TPST2: variants seen among roughly 807,000 people sequenced by gnomAD.
The protein encoded by TPST2 is tyrosylprotein sulfotransferase 2, also known as protein-tyrosine sulfotransferase 2.
Under a neutral mutation model 27.8 loss-of-function variants are expected in TPST2, and 16 were observed. The ratio of observed to expected loss-of-function variants is 0.58; its 90% CI spans 0.39 to 0.88. The LOEUF is 0.88. Ranked by LOEUF, TPST2 falls within the 40% of genes least tolerant of loss-of-function variation. TPST2 has a pLI of 0.00. For missense variants in TPST2, 464 were observed against 543.1 expected (o/e 0.85, Z 1.45); for synonymous variants, 229 against 231.7 (o/e 0.99, Z 0.10).
At position 26,541,539 on chromosome 22, in the gene TPST2, C is replaced by A; in HGVS notation, c.92G>T (p.Cys31Phe). Residue 31 changes from cysteine (C) to phenylalanine (F), a missense_variant, in exon 3 of 7, where the codon TGC becomes TTC. By Grantham distance (205) the Cys-to-Phe change is radical. Coordinates refer to ENST00000338754, the MANE Select transcript of TPST2 (RefSeq NM_003595.5). This position sits in a 1 kb window ranked among gnomAD's most constrained non-coding sequence, Gnocchi z 5.9. ...AVQLGQQVLE[C>F]RAVLAGLRSP... Reference sequence around the variant, plus strand: ...CCGCAGGCCCGCCAGCACCGCCCGGCACTCTAGCACCTGCTGTCCCAGCTG... The same window carrying A: ...CCGCAGGCCCGCCAGCACCGCCCGGAACTCTAGCACCTGCTGTCCCAGCTG... 6.2e-7 allele frequency: 1 copy of A among 1,611,460 alleles called. No individual in the cohort carries two copies. The highest frequency in any genetic ancestry group is 8.5e-7 in the Non-Finnish European group (1 of 1,179,178).
chr22:26,556,235 TA>T (rs1436283536), intron 1 of TPST2, among the ~76,000 whole-genome samples: 1 of 152,136 alleles, frequency 6.6e-6, no homozygotes, highest in Non-Finnish European at 1.5e-5. Flanking sequence ...CTGTGGCACC[TA>T]AAATGTGATA....
Position 26,588,231 on chromosome 22 carries a change from A to G in TPST2, c.-161+1822T>C, listed in dbSNP as rs1272766589. ...AAAAAAAGGAATGAAGTACTGATAC[A>G]GGCTGCAAGGGGCTGAACCTTAGAA... On this transcript the variant is annotated intron_variant, in intron 1 of 6. Coordinates refer to ENST00000338754, the MANE Select transcript of TPST2 (RefSeq NM_003595.5). Among the ~76,000 whole-genome samples the G allele has an allele frequency of 8.6e-5, 13 of 151,824 alleles. No individual in the cohort carries two copies. The East Asian group carries it at 2.5e-3, about 29-fold the overall frequency.
chr22:26,578,666 G>A (rs569802122), intron 1 of TPST2, among the ~76,000 whole-genome samples: 2 of 151,964 alleles, frequency 1.3e-5, no homozygotes, highest in South Asian at 2.1e-4. Context: ...CACAACAACC[G>A]CTGAGGGATG....
intron 1 of TPST2, among the ~76,000 whole-genome samples, chr22:26,586,203 C>T (rs1364211262): frequency 1.3e-5 from 2 of 152,024 alleles, no homozygotes; most frequent in Non-Finnish European, 2.9e-5. Flanking sequence ...CTTCCCACCC[C>T]GTCTCCATGT....
chr22:26,577,596 G>A (rs750601667), intron 1 of TPST2, among the ~76,000 whole-genome samples: 5 of 147,910 alleles, frequency 3.4e-5, no homozygotes, highest in African/African-American at 7.5e-5. Context: ...TAATCTGCCC[G>A]CCTTGGCCTC....
At chr22:26,564,166 T>C (rs1054498699) in intron 1 of TPST2, among the ~76,000 whole-genome samples, 3 of 152,218 alleles carry the variant, frequency 2.0e-5, no homozygotes, top group African/African-American at 7.2e-5. Context: ...CAGGGGCCAA[T>C]GACCTCTAAG....
intron 1 of TPST2, among the ~76,000 whole-genome samples, chr22:26,574,094 G>A (rs1221316990): frequency 2.0e-5 from 3 of 152,108 alleles, no homozygotes; most frequent in African/African-American, 4.8e-5. Flanking sequence ...AGGGCTTTGG[G>A]GGACCTGGGT....
chr22:26,572,244 A>C (rs1329232832), intron 1 of TPST2, among the ~76,000 whole-genome samples: 1 of 152,172 alleles, frequency 6.6e-6, no homozygotes, highest in Non-Finnish European at 1.5e-5. Flanking sequence ...AATCTAGGTC[A>C]ATGAAACTCA....
At chr22:26,577,589 T>TCTGCCCGC (rs1437717839) in intron 1 of TPST2, among the ~76,000 whole-genome samples, 5 of 151,056 alleles carry the variant, frequency 3.3e-5, no homozygotes, top group African/African-American at 1.2e-4. Flanking sequence ...GACCTTGTAA[T>TCTGCCCGC]CTGCCCGCCT....
At chr22:26,569,991 A>AAAAGAAAG (rs770577530) in intron 1 of TPST2, among the ~76,000 whole-genome samples, 528 of 19,820 alleles carry the variant, frequency 0.027, 18 homozygotes, top group Non-Finnish European at 0.035. Context: ...AAAAGAAAGA[A>AAAAGAAAG]AAAGAAAGAA....
In TPST2 at chr22:26,530,403, G is replaced by A. The variant is rs148685147; in HGVS notation, c.1093-2141C>T. On this transcript the variant is annotated intron_variant, in intron 5 of 6. Transcript: ENST00000338754. Reference sequence around the variant, plus strand: ...TATTCTGTGGAGTGCATGTACCACCGTTTACTGACTGCTTACCTAAGAATG... The same window carrying A: ...TATTCTGTGGAGTGCATGTACCACCATTTACTGACTGCTTACCTAAGAATG... Among the ~76,000 whole-genome samples the A allele has an allele frequency of 5.9e-5, 9 of 152,170 alleles. No homozygotes were observed. The East Asian group carries it at 1.2e-3, about 20-fold the overall frequency.
At position 26,582,623 on chromosome 22, in the gene TPST2, C is replaced by A. The variant is rs113549868; in HGVS notation, c.-161+7430G>T. On this transcript the variant is annotated intron_variant, in intron 1 of 6. Coordinates refer to ENST00000338754, the MANE Select transcript of TPST2 (RefSeq NM_003595.5). ...AACGTAAACTCCAGGACAACTAGGA[C>A]CTCGTTGCTTCTTAAATCTTGCACC... Among the ~76,000 whole-genome samples, 639 of 152,242 alleles carry A rather than the reference C, an allele frequency of 4.2e-3. 3 individuals are homozygous for A. Among genetic ancestry groups the A allele is most frequent in the Non-Finnish European group, 7.3e-3 (494 of 68,026 alleles).
intron 1 of TPST2, among the ~76,000 whole-genome samples, chr22:26,546,207 A>T (rs1926114890): frequency 6.6e-6 from 1 of 152,012 alleles, no homozygotes. Flanking sequence ...CCTTTTCTCC[A>T]TACCATTTTC....
chr22:26,560,889 A>G, intron 1 of TPST2: 3 of 1,600,064 alleles, frequency 1.9e-6, no homozygotes, highest in East Asian at 2.2e-5. Flanking sequence ...TGGCCTGTCC[A>G]TTGGTGATGT....
At chr22:26,560,066 G>A (rs138402020) in intron 1 of TPST2, among the ~76,000 whole-genome samples, 13 of 152,324 alleles carry the variant, frequency 8.5e-5, no homozygotes, top group Non-Finnish European at 1.8e-4. Flanking sequence ...TTGAGCTCGG[G>A]AATGCAGAGC....
intron 1 of TPST2, among the ~76,000 whole-genome samples, chr22:26,553,980 C>G (rs1197910784): frequency 6.6e-6 from 1 of 152,152 alleles, no homozygotes; most frequent in Non-Finnish European, 1.5e-5. Context: ...TCCCCGCATG[C>G]AGAACCCAAG....
At chr22:26,540,704 CAAGAAAGGCAGTGCTG>C in intron 3 of TPST2, 69 bp downstream of exon 3, 3 of 1,342,218 alleles carry the variant, frequency 2.2e-6, no homozygotes, top group Non-Finnish European at 3.0e-6. Context: ...CCACACAGCT[CAAGAAAGGCAGTGCTG>C]ATTTTCTTGC....
In TPST2 at chr22:26,571,720, C is replaced by T. The variant is rs990467351; in HGVS notation, c.-161+18333G>A. ...AAACTCAACACAATCAACCTAAACTCCTAATAGGATCTCCTGAGCTTGGTT... is the reference window on the plus strand; with the variant it reads ...AAACTCAACACAATCAACCTAAACTTCTAATAGGATCTCCTGAGCTTGGTT... On this transcript the variant is annotated intron_variant, in intron 1 of 6. Transcript: ENST00000338754. Among the ~76,000 whole-genome samples the T allele has an allele frequency of 6.6e-5, 10 of 152,314 alleles. No homozygotes were observed. The South Asian group carries it at 1.2e-3, about 19-fold the overall frequency.
At position 26,548,798 on chromosome 22, in the gene TPST2, C is replaced by CA. The variant is rs199692504; in HGVS notation, c.-160-4124dup. On this transcript the variant is annotated intron_variant, in intron 1 of 6. Coordinates refer to ENST00000338754, the MANE Select transcript of TPST2 (RefSeq NM_003595.5). ...GCAACAAAGTGAGACCCCATCACTA[C>CA]AAAAAAAAATTTTTTTTTAATTAGC... Among the ~76,000 whole-genome samples, 28 of 98,774 alleles carry CA rather than the reference C, an allele frequency of 2.8e-4. No individual in the cohort carries two copies. In the South Asian group the frequency reaches 7.7e-3, roughly 27 times the overall value. 64.8% of individuals were successfully genotyped at this position (98,774 alleles called of 152,430 possible). A position where few individuals can be genotyped will look rare whatever the true frequency, so the allele number is the denominator to read the frequency against.
Sources: gnomAD v4.1 joint callset for allele counts (sites outside exome capture counted in the v4.1 genomes callset) on GRCh38, gnomAD v4.1.1 for gene constraint, Gnocchi (gnomAD v3.1) non-coding constraint, MANE v1.5 for transcripts, NCBI Gene and HGNC (gene_info 2026-07-23, HGNC 2026-07-21) for gene names.